Variants in ETNK1 observed in about 807,000 individuals in gnomAD.
ETNK1 encodes the protein putative protein product of Nbla10396.
Under a neutral mutation model 45.1 loss-of-function variants are expected in ETNK1, and 8 were observed. That is an observed-to-expected ratio of 0.18 (90% confidence interval 0.10 to 0.32). The LOEUF (loss-of-function observed/expected upper bound fraction) is 0.32, where lower values mean the gene tolerates loss of function less well. Among genes scored for constraint, ETNK1 ranks in the 10% least tolerant of loss-of-function variants. The pLI, the probability that ETNK1 is intolerant of heterozygous loss-of-function variation, is 1.00. For missense variants in ETNK1, 302 were observed against 430.6 expected, an observed-to-expected ratio of 0.70 and a Z score of 2.64; for synonymous variants, 152 against 151.9, an observed-to-expected ratio of 1.00 and a Z score of -0.01.
chr12:22,638,285 T>C (rs1953681308), intron 1 of ETNK1, among the ~76,000 whole-genome samples: 1 of 151,144 alleles, frequency 6.6e-6, no homozygotes. Flanking sequence ...GGAGTCTCAC[T>C]TTGTCTCCCA....
chr12:22,645,257 G>A (rs534881303), intron 2 of ETNK1, among the ~76,000 whole-genome samples: 25 of 151,806 alleles, frequency 1.6e-4, no homozygotes, highest in African/African-American at 5.8e-4. Flanking sequence ...CCCAAAGCTG[G>A]TTTTGTATAT....
intron 3 of ETNK1, among the ~76,000 whole-genome samples, chr12:22,660,179 A>G (rs1425785614): frequency 3.3e-5 from 5 of 152,116 alleles, no homozygotes. Context: ...TGAACAGGCA[A>G]ATTAAGTAAT....
chr12:22,641,195 G>A lies in ETNK1; in HGVS notation c.157-2568G>A, dbSNP rs536952400. 2.0e-5 allele frequency among the ~76,000 whole-genome samples: 3 copies of A among 152,190 alleles called. No individual in the cohort carries two copies. The South Asian group carries it at 6.2e-4, about 32-fold the overall frequency. ...AGGGAGAACTACATTGAGAATGGTG[G>A]GGATTTGTCTGGTGATTTGGGGGAG... is the stretch of plus-strand genomic sequence containing the variant. On this transcript the variant is annotated intron_variant, in intron 1 of 7. Coordinates refer to ENST00000266517, the MANE Select transcript of ETNK1 (RefSeq NM_018638.5).
In ETNK1 at chr12:22,686,454, A is replaced by T. The variant is rs1352396761; in HGVS notation, c.*1500A>T. On this transcript the variant is annotated 3_prime_UTR_variant, in exon 8 of 8. Coordinates refer to ENST00000266517, the MANE Select transcript of ETNK1 (RefSeq NM_018638.5). ...TCTGAGAAATCTTCTGAGGAGTCTA[A>T]TGTATTCCAAATGACTTAATATTCT... The T allele has an allele frequency of 6.6e-6, 1 of 152,368 alleles. No individual in the cohort carries two copies. The highest frequency in any genetic ancestry group is 2.4e-5 in the African/African-American group (1 of 41,424). 9.4% of individuals were successfully genotyped at this position (152,368 alleles called of 1,614,324 possible). A position where few individuals can be genotyped will look rare whatever the true frequency, so the allele number is the denominator to read the frequency against.
intron 2 of ETNK1, among the ~76,000 whole-genome samples, chr12:22,647,576 T>A (rs936058397): frequency 6.6e-6 from 1 of 151,900 alleles, no homozygotes; most frequent in Admixed American, 6.6e-5. Context: ...GCAAAATGGC[T>A]GATGCAGGGC....
intron 2 of ETNK1, among the ~76,000 whole-genome samples, chr12:22,654,705 A>G (rs578231510): frequency 1.9e-4 from 29 of 152,342 alleles, no homozygotes; most frequent in South Asian, 1.0e-3. Flanking sequence ...TTGTATTAAT[A>G]AAGCAATCTT....
At chr12:22,682,384 C>G (rs777235101) in intron 6 of ETNK1, 3 of 364,300 alleles carry the variant, frequency 8.2e-6, no homozygotes, top group African/African-American at 4.3e-5. Flanking sequence ...GCCAAATACT[C>G]AAGTCTGATA....
chr12:22,649,241 T>C (rs112060831), intron 2 of ETNK1, among the ~76,000 whole-genome samples: 17 of 152,248 alleles, frequency 1.1e-4, no homozygotes, highest in African/African-American at 4.1e-4. Context: ...TTATCTGTTC[T>C]TCCTTTCATG....
rs1592105530 is a variant in ETNK1 at position 22,625,269 on chromosome 12, G to T, written c.-162G>T. On this transcript the variant is annotated 5_prime_UTR_variant, in exon 1 of 8. Coordinates refer to ENST00000266517, the MANE Select transcript of ETNK1 (RefSeq NM_018638.5). The stretch of plus-strand genomic sequence containing the variant: ...CCAGACCCGGATCGGCAACAGTGCC[G>T]CCTCCAGACGTTCTCCTGCCGCTCG... 2 of 1,609,294 alleles carry T rather than the reference G, an allele frequency of 1.2e-6. No individual in the cohort carries two copies. The highest frequency in any genetic ancestry group is 1.1e-5 in the South Asian group (1 of 90,688).
At chr12:22,647,486 A>G (rs1216667454) in intron 2 of ETNK1, among the ~76,000 whole-genome samples, 1 of 151,888 alleles carries the variant, frequency 6.6e-6, no homozygotes, top group African/African-American at 2.4e-5. Context: ...TCTTATATTC[A>G]GATATAACTA....
chr12:22,641,527 TAA>T (rs911182252), intron 1 of ETNK1, among the ~76,000 whole-genome samples: 28 of 152,192 alleles, frequency 1.8e-4, no homozygotes, highest in African/African-American at 6.5e-4. Flanking sequence ...TGATGTTCTG[TAA>T]AACAGTTTAT....
intron 2 of ETNK1, among the ~76,000 whole-genome samples, chr12:22,647,169 A>T (rs1207974021): frequency 1.3e-5 from 2 of 151,886 alleles, no homozygotes; most frequent in East Asian, 1.9e-4. Context: ...TTTAAAATTC[A>T]AAAGTGTTTA....
rs1333305909 is a variant in ETNK1 at position 22,681,364 on chromosome 12, G to A, written c.946-3119G>A. On this transcript the variant is annotated intron_variant, in intron 6 of 7. Transcript: ENST00000266517. ...ATGGTGAGAAGAGCTAAGTTGGTATGTTTTTAAAATGCAGAATGACTCTTG... is the reference window on the plus strand; with the variant it reads ...ATGGTGAGAAGAGCTAAGTTGGTATATTTTTAAAATGCAGAATGACTCTTG... 2.0e-5 allele frequency among the ~76,000 whole-genome samples: 3 copies of A among 151,936 alleles called. No homozygotes were observed. The East Asian group carries it at 5.8e-4, about 29-fold the overall frequency.
At chr12:22,633,190 C>T (rs1953603653) in intron 1 of ETNK1, among the ~76,000 whole-genome samples, 1 of 152,204 alleles carries the variant, frequency 6.6e-6, no homozygotes, top group Non-Finnish European at 1.5e-5. Flanking sequence ...ATATTCCTAA[C>T]AGCATTATGT....
intron 4 of ETNK1, 40 bp from the exon 5 acceptor site, chr12:22,671,232 A>G (rs774420849): frequency 1.5e-6 from 2 of 1,330,214 alleles, no homozygotes; most frequent in South Asian, 1.2e-5. Context: ...CTGATCTTAT[A>G]TGTGATTTCT....
At chr12:22,661,944 G>T (rs1354964919) in intron 4 of ETNK1, among the ~76,000 whole-genome samples, 1 of 151,902 alleles carries the variant, frequency 6.6e-6, no homozygotes. Context: ...AATGATAGAT[G>T]CCCTTCAATG....
chr12:22,684,118 A>G (rs1365309358), intron 6 of ETNK1, among the ~76,000 whole-genome samples: 1 of 152,186 alleles, frequency 6.6e-6, no homozygotes, highest in Admixed American at 6.5e-5. Flanking sequence ...TTGTATGTCA[A>G]GAAACAAAGG....
At chr12:22,628,562 G>A (rs368178528) in intron 1 of ETNK1, among the ~76,000 whole-genome samples, 15 of 151,998 alleles carry the variant, frequency 9.9e-5, no homozygotes, top group African/African-American at 3.4e-4. Flanking sequence ...GAGAGTCATC[G>A]TATAAAGGAA....
At chr12:22,625,734 C>T in intron 1 of ETNK1, 148 bp downstream of exon 1, 1 of 1,181,932 alleles carries the variant, frequency 8.5e-7, no homozygotes, top group South Asian at 1.3e-5. Context: ...TGTATTTCCC[C>T]TCACACCTAG....
Sources: allele counts gnomAD v4.1 joint callset (sites outside exome capture counted in the v4.1 genomes callset), GRCh38; gene constraint gnomAD v4.1.1; transcripts MANE v1.5; gene names NCBI Gene and HGNC (gene_info 2026-07-23, HGNC 2026-07-21).